The following CPNE4 variants were observed in gnomAD, a reference collection of about 807,000 sequenced individuals.
CPNE4 encodes the protein copine 4.
In CPNE4, 25 loss-of-function variants were observed where a neutral mutation model predicts 67.9. That is an observed-to-expected ratio of 0.37 (90% CI 0.27 to 0.51). The LOEUF is 0.51. CPNE4 is among the 20% of genes least tolerant of loss of function. The pLI, the probability that CPNE4 is intolerant of heterozygous loss-of-function variation, is 0.93. For synonymous variants in CPNE4, 242 were observed against 244.9 expected (o/e 0.99, Z 0.11); for missense variants, 464 against 690.8 (o/e 0.67, Z 3.68).
At chr3:131,732,914 T>G (rs1490766723) in intron 2 of CPNE4, among the ~76,000 whole-genome samples, 1 of 152,228 alleles carries the variant, frequency 6.6e-6, no homozygotes, top group Non-Finnish European at 1.5e-5. Flanking sequence ...ATTTTTGTGG[T>G]AACTTCCTGT....
chr3:131,536,031 C>T (rs1488792975), intron 15 of CPNE4, among the ~76,000 whole-genome samples: 1 of 152,010 alleles, frequency 6.6e-6, no homozygotes. Context: ...AGGGGAATGG[C>T]ATTTGACCAT....
At chr3:131,692,269 G>A (rs1189368313) in intron 5 of CPNE4, among the ~76,000 whole-genome samples, 2 of 152,082 alleles carry the variant, frequency 1.3e-5, no homozygotes, top group Non-Finnish European at 2.9e-5. Flanking sequence ...TCTGATCTGA[G>A]TATGCTTTAT....
chr3:131,899,833 T>C (rs931853191), intron 2 of CPNE4, among the ~76,000 whole-genome samples: 1 of 152,016 alleles, frequency 6.6e-6, no homozygotes, highest in Admixed American at 6.6e-5. Flanking sequence ...TTATTTTGAG[T>C]TTTATCCTCA....
At chr3:131,940,610 T>C (rs2071358098) in intron 1 of CPNE4, among the ~76,000 whole-genome samples, 1 of 152,192 alleles carries the variant, frequency 6.6e-6, no homozygotes, top group East Asian at 1.9e-4. Flanking sequence ...AGTATACCAG[T>C]GGAAATACCT....
chr3:131,952,982 CAG>C (rs1341043909), intron 1 of CPNE4, among the ~76,000 whole-genome samples: 2 of 150,982 alleles, frequency 1.3e-5, no homozygotes, highest in Non-Finnish European at 3.0e-5. Flanking sequence ...TGTGTCCACT[CAG>C]GGTTAAATGG....
chr3:132,006,752 T>C (rs1253016113), intron 1 of CPNE4, among the ~76,000 whole-genome samples: 1 of 151,928 alleles, frequency 6.6e-6, no homozygotes, highest in East Asian at 1.9e-4. Flanking sequence ...CAGAAGTAAC[T>C]GGATTTCCAA....
intron 2 of CPNE4, among the ~76,000 whole-genome samples, chr3:131,884,811 AT>A (rs1350247983): frequency 6.6e-6 from 1 of 152,084 alleles, no homozygotes; most frequent in Admixed American, 6.5e-5. Flanking sequence ...GCTGCTATCC[AT>A]GTAAGATGTG....
chr3:131,717,935 T>C (rs2081770983), intron 3 of CPNE4, among the ~76,000 whole-genome samples: 1 of 139,562 alleles, frequency 7.2e-6, no homozygotes, highest in Admixed American at 7.2e-5. Flanking sequence ...TCTTTCTTTC[T>C]TTCTTTCTTT....
At chr3:131,908,095 C>G (rs1196582231) in intron 1 of CPNE4, among the ~76,000 whole-genome samples, 5 of 152,088 alleles carry the variant, frequency 3.3e-5, no homozygotes, top group Admixed American at 1.3e-4. Flanking sequence ...ACAGGTAAAA[C>G]CTTTAGCTGG....
intron 7 of CPNE4, among the ~76,000 whole-genome samples, chr3:131,603,437 T>C (rs1939320950): frequency 6.6e-6 from 1 of 152,112 alleles, no homozygotes; most frequent in Non-Finnish European, 1.5e-5. Context: ...AAAAGCAAAA[T>C]GTGATGGATT....
At chr3:131,655,207 G>A (rs2079920962) in intron 7 of CPNE4, among the ~76,000 whole-genome samples, 1 of 152,170 alleles carries the variant, frequency 6.6e-6, no homozygotes, top group Non-Finnish European at 1.5e-5. Context: ...CATCATCTGG[G>A]AACTTGTCAG....
chr3:131,719,499 A>C (rs1583075716), intron 3 of CPNE4, among the ~76,000 whole-genome samples: 1 of 152,352 alleles, frequency 6.6e-6, no homozygotes, highest in East Asian at 1.9e-4. Context: ...TGAAAGATTA[A>C]GAAAATTAAT....
At chr3:131,768,639 C>G (rs1451301548) in intron 2 of CPNE4, among the ~76,000 whole-genome samples, 1 of 152,116 alleles carries the variant, frequency 6.6e-6, no homozygotes, top group East Asian at 1.9e-4. Context: ...GGAATGGCTC[C>G]CTCTGATCAG....
chr3:131,573,212 C>T (rs974238386), intron 10 of CPNE4, among the ~76,000 whole-genome samples: 6 of 152,180 alleles, frequency 3.9e-5, no homozygotes, highest in Middle Eastern at 3.4e-3. Flanking sequence ...CCCCCTTCTC[C>T]TCAGCATTCA....
At chr3:131,675,709 A>G (rs2080540260) in intron 6 of CPNE4, among the ~76,000 whole-genome samples, 1 of 151,716 alleles carries the variant, frequency 6.6e-6, no homozygotes, top group East Asian at 1.9e-4. Flanking sequence ...GGTAAAGTGT[A>G]TTTTTTGTAG....
At chr3:131,799,902 G>T (rs899399260) in intron 2 of CPNE4, among the ~76,000 whole-genome samples, 2 of 100,216 alleles carry the variant, frequency 2.0e-5, no homozygotes, top group Admixed American at 2.4e-4. Context: ...TTTTGTTGGT[G>T]CGTGTGTGTG....
At chr3:131,547,942 G>A (rs1200449537) in intron 14 of CPNE4, among the ~76,000 whole-genome samples, 1 of 152,086 alleles carries the variant, frequency 6.6e-6, no homozygotes, top group Non-Finnish European at 1.5e-5. Context: ...AAAATTATGA[G>A]TCTAAAACAA....
intron 2 of CPNE4, among the ~76,000 whole-genome samples, chr3:131,749,920 G>A (rs2082583356): frequency 1.3e-5 from 2 of 152,016 alleles, no homozygotes; most frequent in Admixed American, 6.6e-5. Flanking sequence ...CACAGTTTTG[G>A]AGGCTAAAAG....
intron 9 of CPNE4, among the ~76,000 whole-genome samples, chr3:131,578,823 G>T (rs1937620061): frequency 6.6e-6 from 1 of 152,134 alleles, no homozygotes; most frequent in Non-Finnish European, 1.5e-5. Context: ...TGAGGAAGAT[G>T]CAGAAGAAAA....
Sources: allele counts gnomAD v4.1 joint callset (sites outside exome capture counted in the v4.1 genomes callset), GRCh38; gene constraint gnomAD v4.1.1; transcripts MANE v1.5; gene names NCBI Gene and HGNC (gene_info 2026-07-23, HGNC 2026-07-21).